Variants in TARS3 observed in about 807,000 individuals in gnomAD.
TARS3 encodes threonine--tRNA ligase 2, cytoplasmic.
TARS3 carries 94 observed loss-of-function variants against 103.5 expected under a neutral mutation model. That is an observed-to-expected ratio of 0.91 (90% CI 0.77 to 1.08). The LOEUF is 1.08. Among genes scored for constraint, TARS3 ranks in the 50% least tolerant of loss-of-function variants. The probability of loss-of-function intolerance (pLI) is 0.00; values close to 1 mark genes in which losing one functional copy is unlikely to be tolerated. For missense variants in TARS3, 952 were observed against 995.2 expected, an observed-to-expected ratio of 0.96 and a Z score of 0.58; for synonymous variants, 416 against 355.4, an observed-to-expected ratio of 1.17 and a Z score of -1.92.
chr15:101,665,579 G>C (rs1304762084), intron 15 of TARS3, among the ~76,000 whole-genome samples: 1 of 152,156 alleles, frequency 6.6e-6, no homozygotes, highest in African/African-American at 2.4e-5. Flanking sequence ...ACTCAAATTT[G>C]TTCAACACTC....
intron 13 of TARS3, 63 bp from the exon 14 acceptor site, chr15:101,671,811 C>G: frequency 7.5e-7 from 1 of 1,340,904 alleles, no homozygotes; most frequent in African/African-American, 1.5e-5. Context: ...ACATACAGCT[C>G]ACAAAAGTTA....
At chr15:101,705,088 A>G (rs1899487482) in intron 7 of TARS3, among the ~76,000 whole-genome samples, 1 of 152,260 alleles carries the variant, frequency 6.6e-6, no homozygotes, top group Non-Finnish European at 1.5e-5. Context: ...GCAATGACAT[A>G]TAAGGCGTAT....
intron 13 of TARS3, among the ~76,000 whole-genome samples, chr15:101,672,160 G>T (rs1168981203): frequency 6.6e-6 from 1 of 152,146 alleles, no homozygotes; most frequent in Non-Finnish European, 1.5e-5. Flanking sequence ...GAGTCTGGGT[G>T]GGTAAGAAGG....
chr15:101,723,738 C>T (rs1900609170), intron 1 of TARS3, among the ~76,000 whole-genome samples: 1 of 152,232 alleles, frequency 6.6e-6, no homozygotes, highest in African/African-American at 2.4e-5. Flanking sequence ...AGTTTACATA[C>T]GCAGCTGTTA....
chr15:101,694,844 T>C (rs1898890199), intron 10 of TARS3, among the ~76,000 whole-genome samples: 1 of 152,162 alleles, frequency 6.6e-6, no homozygotes, highest in East Asian at 1.9e-4. Flanking sequence ...CTAGAAATAG[T>C]CAATTTCATA....
chr15:101,683,715 T>G (rs886865769), intron 12 of TARS3, among the ~76,000 whole-genome samples: 1 of 152,180 alleles, frequency 6.6e-6, no homozygotes, highest in African/African-American at 2.4e-5. Flanking sequence ...TTAGGTCAAA[T>G]TGTTTGACAG....
chr15:101,663,080 T>C (rs766780006), intron 15 of TARS3, among the ~76,000 whole-genome samples: 5 of 152,380 alleles, frequency 3.3e-5, no homozygotes, highest in Admixed American at 6.5e-5. Context: ...GAAAAACTTA[T>C]AGCGTATGCT....
intron 10 of TARS3, among the ~76,000 whole-genome samples, chr15:101,691,278 A>G (rs1247284872): frequency 7.5e-6 from 1 of 133,912 alleles, no homozygotes; most frequent in Non-Finnish European, 1.6e-5. Context: ...CAGTATTTAT[A>G]TATATATATA....
At chr15:101,675,502 T>A in intron 13 of TARS3, 98 bp downstream of exon 13, 1 of 1,243,710 alleles carries the variant, frequency 8.0e-7, no homozygotes, top group Non-Finnish European at 1.1e-6. Flanking sequence ...GTTCAAAATT[T>A]CTATTACAAA....
intron 13 of TARS3, 59 bp downstream of exon 13, chr15:101,675,541 C>A (rs1167791663): frequency 2.0e-6 from 3 of 1,529,396 alleles, no homozygotes; most frequent in Non-Finnish European, 1.8e-6. Context: ...AAGACTGCAG[C>A]CTCTCAGGTG....
intron 10 of TARS3, among the ~76,000 whole-genome samples, chr15:101,686,565 G>A (rs946011275): frequency 6.6e-6 from 1 of 152,084 alleles, no homozygotes; most frequent in Admixed American, 6.5e-5. Flanking sequence ...CCTATTAACA[G>A]CTTCCCTAAT....
intron 4 of TARS3, among the ~76,000 whole-genome samples, chr15:101,713,260 T>TGTGTGA (rs2141448202): frequency 6.6e-6 from 1 of 152,284 alleles, no homozygotes; most frequent in South Asian, 2.1e-4. Flanking sequence ...CGGGAAGGCC[T>TGTGTGA]GTGTGACTAA....
chr15:101,656,828 TAATC>T (rs1231366388), intron 18 of TARS3, 90 bp downstream of exon 18: 16 of 739,842 alleles, frequency 2.2e-5, no homozygotes, highest in African/African-American at 8.9e-5. Context: ...CAAATCATGA[TAATC>T]AAGTAGTTGA....
At chr15:101,722,622 C>T (rs866120163) in intron 2 of TARS3, among the ~76,000 whole-genome samples, 3 of 118,496 alleles carry the variant, frequency 2.5e-5, no homozygotes, top group Admixed American at 1.1e-4. Flanking sequence ...CTGGCTAACA[C>T]GGTGAAACCC....
At chr15:101,723,295 G>T in intron 1 of TARS3, 131 bp from the exon 2 acceptor site, 2 of 714,622 alleles carry the variant, frequency 2.8e-6, no homozygotes. Flanking sequence ...CTGACCACCA[G>T]CTACAGCTCT....
chr15:101,676,802 C>CTT lies in TARS3; in HGVS notation c.1651-1067_1651-1066dup, dbSNP rs76822080. 4.2e-3 allele frequency among the ~76,000 whole-genome samples: 606 copies of CTT among 143,490 alleles called. 3 individuals carry two copies. Among genetic ancestry groups the CTT allele is most frequent in the Middle Eastern group, 0.026 (7 of 268 alleles). 94.1% of individuals were successfully genotyped at this position (143,490 alleles called of 152,430 possible). On this transcript the variant is annotated intron_variant, in intron 12 of 18. Coordinates refer to ENST00000335968, the MANE Select transcript of TARS3 (RefSeq NM_152334.3). ...GATTATAGGCATGAGCCACTACACC[C>CTT]TTTTTTTTTTTTTTTTAAGTTCCTG... is the stretch of plus-strand genomic sequence containing the variant.
intron 16 of TARS3, among the ~76,000 whole-genome samples, chr15:101,659,857 A>G (rs374139616): frequency 6.6e-6 from 1 of 152,228 alleles, no homozygotes; most frequent in Non-Finnish European, 1.5e-5. Flanking sequence ...AATATCAGGA[A>G]TATACACAGA....
At chr15:101,703,758 T>C (rs1265102406) in intron 8 of TARS3, 101 bp downstream of exon 8, 13 of 699,198 alleles carry the variant, frequency 1.9e-5, no homozygotes, top group South Asian at 1.2e-4. Context: ...AATATCATGA[T>C]GTTCAGACTA....
At chr15:101,703,771 AAAGAT>A (rs1193074133) in intron 8 of TARS3, 83 bp downstream of exon 8, 3 of 793,200 alleles carry the variant, frequency 3.8e-6, no homozygotes, top group African/African-American at 3.5e-5. Context: ...TCAGACTACA[AAAGAT>A]ATGATTGAAT....
Sources: allele counts gnomAD v4.1 joint callset (sites outside exome capture counted in the v4.1 genomes callset), GRCh38; gene constraint gnomAD v4.1.1; transcripts MANE v1.5; gene names NCBI Gene and HGNC (gene_info 2026-07-23, HGNC 2026-07-21).